UQCC1: variants seen among roughly 807,000 people sequenced by gnomAD.
UQCC1 encodes the protein ubiquinol-cytochrome c reductase complex assembly factor 1, also known as bFGF-repressed Zic-binding protein.
UQCC1 carries 38 observed loss-of-function variants against 48.0 expected under a neutral mutation model. That is an observed-to-expected ratio of 0.79 (90% CI 0.61 to 1.04). The LOEUF is 1.04. Ranked by LOEUF, UQCC1 falls within the 50% of genes least tolerant of loss-of-function variation. The pLI is 0.00. For missense variants in UQCC1, 368 were observed against 381.8 expected (o/e 0.96, Z 0.30); for synonymous variants, 111 against 129.2 (o/e 0.86, Z 0.95).
intron 7 of UQCC1, among the ~76,000 whole-genome samples, chr20:35,320,915 A>G (rs894318704): frequency 2.0e-5 from 3 of 152,236 alleles, no homozygotes; most frequent in African/African-American, 7.2e-5. Flanking sequence ...TAAGGCAACA[A>G]TGCAACACAA....
chr20:35,319,042 G>A (rs974720516), intron 7 of UQCC1, among the ~76,000 whole-genome samples: 2 of 152,072 alleles, frequency 1.3e-5, no homozygotes, highest in Non-Finnish European at 2.9e-5. Context: ...ATAATGCTTT[G>A]CTTTTCATAA....
chr20:35,391,760 CTAAT>C (rs567868856), intron 2 of UQCC1, among the ~76,000 whole-genome samples: 71 of 151,468 alleles, frequency 4.7e-4, no homozygotes, highest in Middle Eastern at 3.5e-3. Flanking sequence ...AACAAATAGA[CTAAT>C]TAATAGTATT....
chr20:35,387,579 C>A (rs1050045350), intron 2 of UQCC1, among the ~76,000 whole-genome samples: 4 of 151,232 alleles, frequency 2.6e-5, no homozygotes, highest in Non-Finnish European at 5.9e-5. Context: ...CAGGAATGAT[C>A]AAAGGGATGA....
chr20:35,370,227 C>G (rs2061714724), intron 5 of UQCC1, among the ~76,000 whole-genome samples: 1 of 149,878 alleles, frequency 6.7e-6, no homozygotes, highest in Admixed American at 6.7e-5. Context: ...ACTGCTTTCT[C>G]TTGTTTCTTT....
At chr20:35,353,340 G>A (rs1487959082) in intron 6 of UQCC1, among the ~76,000 whole-genome samples, 1 of 150,332 alleles carries the variant, frequency 6.7e-6, no homozygotes, top group Non-Finnish European at 1.5e-5. Flanking sequence ...AGGTTTCAGT[G>A]AGCTGAGATC....
intron 8 of UQCC1, among the ~76,000 whole-genome samples, chr20:35,312,708 A>G (rs1442279381): frequency 1.3e-5 from 2 of 152,242 alleles, no homozygotes; most frequent in Non-Finnish European, 2.9e-5. Flanking sequence ...TTCTTTCTAC[A>G]TGCTTGAAAT....
In UQCC1 at chr20:35,314,156, G is replaced by A. The variant is rs1326630401; in HGVS notation, c.651+532C>T. ...AGTTTTGCATTTTTAGTGACACGGG[G>A]TTTCACCATGTTGGCCAGGCTGGTC... is the stretch of plus-strand genomic sequence containing the variant. On this transcript the variant is annotated intron_variant, in intron 8 of 9. Transcript: ENST00000374385. Among the ~76,000 whole-genome samples, 4 of 151,086 alleles carry A rather than the reference G, an allele frequency of 2.6e-5. No individual in the cohort carries two copies. In the East Asian group the frequency reaches 7.9e-4, roughly 30 times the overall value.
At position 35,328,418 on chromosome 20, in the gene UQCC1, T is replaced by C. The variant is rs79974114; in HGVS notation, c.574-13653A>G. ...GTAAATTAGTAGTGGCAAACATCTA[T>C]TTCACTCTCAGGCATTGTTTAAAGA... is the stretch of plus-strand genomic sequence containing the variant. On this transcript the variant is annotated intron_variant, in intron 7 of 9. Transcript: ENST00000374385. Among the ~76,000 whole-genome samples the C allele has an allele frequency of 4.4e-3, 674 of 152,314 alleles. 1 individual carries two copies. The highest frequency in any genetic ancestry group is 7.8e-3 in the Non-Finnish European group (533 of 68,026).
chr20:35,346,873 C>A (rs1194057961), intron 7 of UQCC1: 7 of 903,624 alleles, frequency 7.7e-6, no homozygotes, highest in Non-Finnish European at 1.1e-5. Context: ...TGATTCCCTC[C>A]ATTCACCAAA....
intron 8 of UQCC1, among the ~76,000 whole-genome samples, chr20:35,310,221 C>G (rs1163473935): frequency 6.6e-6 from 1 of 152,176 alleles, no homozygotes; most frequent in Non-Finnish European, 1.5e-5. Flanking sequence ...ATGTATCACA[C>G]ATGGTAGACA....
intron 7 of UQCC1, among the ~76,000 whole-genome samples, chr20:35,339,988 G>C (rs2061359901): frequency 6.6e-6 from 1 of 152,074 alleles, no homozygotes; most frequent in African/African-American, 2.4e-5. Flanking sequence ...CTAAGAACAA[G>C]CACGTTCTCC....
chr20:35,337,151 A>G (rs1600897210), intron 7 of UQCC1, among the ~76,000 whole-genome samples: 1 of 151,984 alleles, frequency 6.6e-6, no homozygotes. Flanking sequence ...GTCCCACCCC[A>G]GTTTTCAGAA....
chr20:35,411,621 C>T (rs76772432), intron 1 of UQCC1, among the ~76,000 whole-genome samples: 2 of 152,230 alleles, frequency 1.3e-5, no homozygotes, highest in Non-Finnish European at 2.9e-5. Context: ...ACCCAGGCCT[C>T]CTGAAACTCC....
At chr20:35,397,522 A>G (rs143382147) in intron 1 of UQCC1, among the ~76,000 whole-genome samples, 2,328 of 151,732 alleles carry the variant, frequency 0.015, 59 homozygotes, top group African/African-American at 0.052. Flanking sequence ...TCAAAAAAAA[A>G]AAAAAAGAAA....
chr20:35,335,636 G>C (rs764080115), intron 7 of UQCC1, among the ~76,000 whole-genome samples: 10 of 152,134 alleles, frequency 6.6e-5, no homozygotes, highest in Non-Finnish European at 1.2e-4. Context: ...CATAGAAACA[G>C]AATGTAGAAT....
chr20:35,315,023 T>G (rs1433421017), intron 7 of UQCC1, among the ~76,000 whole-genome samples: 5 of 152,254 alleles, frequency 3.3e-5, no homozygotes, highest in Non-Finnish European at 1.5e-5. Flanking sequence ...AGTTTTGTGC[T>G]AGATCCTATG....
chr20:35,330,978 T>C (rs1600886516), intron 7 of UQCC1, among the ~76,000 whole-genome samples: 1 of 152,196 alleles, frequency 6.6e-6, no homozygotes, highest in South Asian at 2.1e-4. Flanking sequence ...CCAACTCACC[T>C]TGGGACCTAA....
intron 6 of UQCC1, among the ~76,000 whole-genome samples, chr20:35,351,701 GT>G (rs1405828555): frequency 6.6e-5 from 10 of 152,284 alleles, no homozygotes; most frequent in Non-Finnish European, 2.9e-5. Flanking sequence ...GCCCTCTGAG[GT>G]TTAAAAGGCA....
rs1236386711 is a variant in UQCC1, at chr20:35,347,240, C to T, written c.497G>A (p.Arg166Gln). The T allele has an allele frequency of 9.9e-6, 16 of 1,614,102 alleles. No individual in the cohort carries two copies. Among genetic ancestry groups the T allele is most frequent in the East Asian group, 4.5e-5 (2 of 44,870 alleles). Residue 166 changes from arginine to glutamine, a missense_variant, in exon 7 of 10, where the codon CGG becomes CAG. Transcript: ENST00000374385. The stretch of plus-strand genomic sequence containing the variant: ...GATACGACACATGTACTTCCCACTC[C>T]GGCCTTCCTGCTTCATTCGGACTAG... ...MCLVRMKQEG[R>Q]SGKYMCRIIV...
Sources: allele counts gnomAD v4.1 joint callset (sites outside exome capture counted in the v4.1 genomes callset), GRCh38; gene constraint gnomAD v4.1.1; transcripts MANE v1.5; gene names NCBI Gene and HGNC (gene_info 2026-07-23, HGNC 2026-07-21).